USP42: variants seen among roughly 807,000 people sequenced by gnomAD.
USP42 encodes ubiquitin specific peptidase 42, also known as ubiquitin carboxyl-terminal hydrolase 42.
A neutral mutation model predicts 113.0 loss-of-function variants in USP42; 23 were observed. The ratio of observed to expected loss-of-function variants is 0.20; its 90% CI spans 0.15 to 0.29. USP42 has a LOEUF of 0.29. Ranked by LOEUF, USP42 falls within the 10% of genes least tolerant of loss-of-function variation. The pLI is 1.00. For synonymous variants in USP42, 933 were observed against 699.0 expected (o/e 1.33, Z -5.28); for missense variants, 2,174 against 1,779.8 (o/e 1.22, Z -3.99).
At chr7:6,127,867 C>G (rs550138186) in intron 3 of USP42, among the ~76,000 whole-genome samples, 10 of 152,088 alleles carry the variant, frequency 6.6e-5, no homozygotes, top group Non-Finnish European at 1.2e-4. Flanking sequence ...TTTACTATGT[C>G]CCTGAAGTCT....
chr7:6,152,592 C>T (rs767902955), intron 14 of USP42, among the ~76,000 whole-genome samples: 1 of 152,152 alleles, frequency 6.6e-6, no homozygotes, highest in Non-Finnish European at 1.5e-5. Flanking sequence ...AGGGAACACT[C>T]ATTCCCAACC....
chr7:6,143,138 C>A, intron 8 of USP42, 124 bp downstream of exon 8: 1 of 902,014 alleles, frequency 1.1e-6, no homozygotes, highest in Non-Finnish European at 1.7e-6. Context: ...TGGGAAGACA[C>A]TGCGTCCCTG....
chr7:6,116,284 C>A (rs1268165264), intron 3 of USP42, among the ~76,000 whole-genome samples: 1 of 152,120 alleles, frequency 6.6e-6, no homozygotes, highest in Non-Finnish European at 1.5e-5. Flanking sequence ...ACTAGACTTT[C>A]CCTTTAGCAT....
chr7:6,126,054 C>T (rs1780525404), intron 3 of USP42, among the ~76,000 whole-genome samples: 1 of 152,146 alleles, frequency 6.6e-6, no homozygotes, highest in Non-Finnish European at 1.5e-5. Flanking sequence ...AGCATGTTTC[C>T]CTTTCCAAGC....
chr7:6,133,990 A>C (rs1780994570), intron 3 of USP42, among the ~76,000 whole-genome samples: 1 of 148,842 alleles, frequency 6.7e-6, no homozygotes, highest in Admixed American at 6.8e-5. Context: ...TCCTGGGTTC[A>C]CGCCATTCTC....
chr7:6,091,975 TTTTTTCTTC>T, the USP42 span, among the ~76,000 whole-genome samples: 1,196 of 132,346 alleles, frequency 9.0e-3, 65 homozygotes, highest in African/African-American at 0.024. Flanking sequence ...CAAGGACGTA[TTTTTTCTTC>T]TTCTTCTTCT....
Position 6,108,044 on chromosome 7 carries a change from T to C in USP42, c.-10+3012T>C, listed in dbSNP as rs558208001. ...ACTAAAAATACAAAAATTAGCCGGG[T>C]GTGGTGGCACGCACCTGTAGTCCCA... is the stretch of plus-strand genomic sequence containing the variant. On this transcript the variant is annotated intron_variant, in intron 1 of 17. Coordinates refer to ENST00000306177, the MANE Select transcript of USP42 (RefSeq NM_032172.3). Among the ~76,000 whole-genome samples, 69 of 152,030 alleles carry C rather than the reference T, an allele frequency of 4.5e-4. 1 individual carries two copies. The highest frequency in any genetic ancestry group is 1.6e-3 in the African/African-American group (65 of 41,476).
At position 6,154,429 on chromosome 7, in the gene USP42, C is replaced by A; in HGVS notation, c.2875C>A (p.Arg959Ser). The change falls in exon 15 of 18, where the codon CGC (arginine) becomes AGC (serine). Residue 959 changes from arginine (R) to serine (S), a missense_variant. Physicochemically the swap from Arg to Ser is moderately radical, Grantham distance 110. Transcript: ENST00000306177. ...DRGHYRSRRE[R>S]SSSGEPARES... ...AGGCCACTACCGCAGCCGGAGAGAG[C>A]GCTCGTCCAGCGGGGAGCCCGCCAG... 6.4e-7 allele frequency: 1 copy of A among 1,573,298 alleles called. No individual in the cohort carries two copies. The highest frequency in any genetic ancestry group is 2.4e-5 in the East Asian group (1 of 42,288).
intron 3 of USP42, among the ~76,000 whole-genome samples, chr7:6,128,855 C>G (rs1780684575): frequency 6.6e-6 from 1 of 152,126 alleles, no homozygotes; most frequent in African/African-American, 2.4e-5. Context: ...CAGGGTCTCT[C>G]TGTCACCTAG....
chr7:6,099,502 C>G, the USP42 span, among the ~76,000 whole-genome samples: 1 of 150,742 alleles, frequency 6.6e-6, no homozygotes, highest in Non-Finnish European at 1.5e-5. Context: ...GCGTGAGCCA[C>G]TGTGCCTGGC....
chr7:6,118,009 G>A (rs1234382627), intron 3 of USP42, among the ~76,000 whole-genome samples: 1 of 151,984 alleles, frequency 6.6e-6, no homozygotes, highest in Non-Finnish European at 1.5e-5. Context: ...TTTGTCTTTT[G>A]ATTCTTTTCA....
chr7:6,137,620 A>C (rs1429965946), intron 4 of USP42, among the ~76,000 whole-genome samples: 1 of 152,026 alleles, frequency 6.6e-6, no homozygotes, highest in Non-Finnish European at 1.5e-5. Flanking sequence ...GGCCTCCCAA[A>C]GTGCAGAGAT....
At chr7:6,081,661 C>G in the USP42 span, 3 of 152,376 alleles carry the variant, frequency 2.0e-5, no homozygotes, top group African/African-American at 4.8e-5. Context: ...CGCATGCTCT[C>G]TGGTGGGCTA....
rs779417852 is a variant in USP42, at chr7:6,142,948, A to T, written c.812A>T (p.Asn271Ile). 2.5e-6 allele frequency: 4 copies of T among 1,613,978 alleles called. No homozygotes were observed. The South Asian group carries it at 4.4e-5, about 18-fold the overall frequency. Residue 271 changes from asparagine to isoleucine, a missense_variant, in exon 8 of 18, where the codon AAC (asparagine) becomes ATC (isoleucine). Asn to Ile is a moderately radical substitution (Grantham distance 149). Transcript: ENST00000306177. ...TLEIKAAQSV[N>I]KALEQFVKPE... is the part of the protein sequence containing the mutation. Reference sequence around the variant, plus strand: ...TCTTCCCAGGCTGCTCAGAGTGTCAACAAGGCATTGGAGCAGTTTGTGAAG... The same window carrying T: ...TCTTCCCAGGCTGCTCAGAGTGTCATCAAGGCATTGGAGCAGTTTGTGAAG...
upstream of USP42, among the ~76,000 whole-genome samples, chr7:6,101,845 G>C (rs559928426): frequency 6.0e-5 from 9 of 150,520 alleles, no homozygotes; most frequent in South Asian, 1.9e-3. Flanking sequence ...TTGGGAGGCT[G>C]AGGTGGGCAG....
chr7:6,120,350 C>T (rs1009882779), intron 3 of USP42, among the ~76,000 whole-genome samples: 2 of 152,196 alleles, frequency 1.3e-5, no homozygotes, highest in Non-Finnish European at 2.9e-5. Context: ...TTAAGTGATT[C>T]TCCTGCCTCA....
upstream of USP42, among the ~76,000 whole-genome samples, chr7:6,100,682 CT>C (rs1228529787): frequency 0.022 from 2,849 of 130,070 alleles, 47 homozygotes; most frequent in Middle Eastern, 0.066. Flanking sequence ...TATCCACTGT[CT>C]TTTTTTTTTT....
intron 11 of USP42, 145 bp downstream of exon 11, chr7:6,146,393 C>T: frequency 1.6e-6 from 1 of 629,940 alleles, no homozygotes. Flanking sequence ...GGCATGGTGC[C>T]TCACGCCTAT....
chr7:6,129,342 G>A (rs1780715019), intron 3 of USP42, among the ~76,000 whole-genome samples: 1 of 151,764 alleles, frequency 6.6e-6, no homozygotes, highest in South Asian at 2.1e-4. Flanking sequence ...GATCACCTGA[G>A]GTCAGGAGTT....
Sources: allele counts gnomAD v4.1 joint callset (sites outside exome capture counted in the v4.1 genomes callset), GRCh38; gene constraint gnomAD v4.1.1; transcripts MANE v1.5; gene names NCBI Gene and HGNC (gene_info 2026-07-23, HGNC 2026-07-21).